Variants in TGFA observed in about 807,000 individuals in gnomAD.
TGFA encodes the protein transforming growth factor alpha, also known as protransforming growth factor alpha.
A neutral mutation model predicts 21.7 loss-of-function variants in TGFA; 12 were observed. The observed-to-expected ratio is 0.55, with a 90% CI of 0.35 to 0.90. The LOEUF (loss-of-function observed/expected upper bound fraction) is 0.90. Among genes scored for constraint, TGFA ranks in the 40% least tolerant of loss-of-function variants. TGFA has a pLI of 0.01. For missense variants in TGFA, 178 were observed against 210.8 expected, an observed-to-expected ratio of 0.84 and a Z score of 0.96; for synonymous variants, 79 against 88.1, an observed-to-expected ratio of 0.90 and a Z score of 0.58.
intron 2 of TGFA, among the ~76,000 whole-genome samples, chr2:70,497,588 T>G (rs1387171621): frequency 6.6e-6 from 1 of 152,156 alleles, no homozygotes; most frequent in Non-Finnish European, 1.5e-5. Flanking sequence ...TTGGGCACAT[T>G]GCATCCCAGC....
At chr2:70,541,920 G>A (rs1673143245) in intron 1 of TGFA, among the ~76,000 whole-genome samples, 1 of 152,114 alleles carries the variant, frequency 6.6e-6, no homozygotes, top group Admixed American at 6.5e-5. Flanking sequence ...AAATTTGCTG[G>A]CAGGGAGTGT....
In TGFA at chr2:70,456,338, C is replaced by T; in HGVS notation, c.365+1G>A. ...TGGCCTTAGGGGCAGCAAGTACTCA[C>T]TGTATCAGCACACATGTGATGATAA... On this transcript the variant is annotated splice_donor_variant, in intron 4 of 5. Coordinates refer to ENST00000295400, the MANE Select transcript of TGFA (RefSeq NM_003236.4). LOFTEE classifies it high-confidence loss of function. 2 of 1,553,100 alleles carry T rather than the reference C, an allele frequency of 1.3e-6. No homozygotes were observed. The highest frequency in any genetic ancestry group is 1.7e-6 in the Non-Finnish European group (2 of 1,147,086).
intron 2 of TGFA, among the ~76,000 whole-genome samples, chr2:70,511,227 G>A (rs1295810830): frequency 6.6e-6 from 1 of 152,156 alleles, no homozygotes; most frequent in Non-Finnish European, 1.5e-5. Context: ...CAGTGAGAAG[G>A]CCTGCAAATT....
chr2:70,530,055 C>A (rs1672770416), intron 1 of TGFA, among the ~76,000 whole-genome samples: 1 of 152,220 alleles, frequency 6.6e-6, no homozygotes, highest in Admixed American at 6.5e-5. Flanking sequence ...AGGCTATGTT[C>A]AACCTCCAAG....
intron 2 of TGFA, among the ~76,000 whole-genome samples, chr2:70,491,316 G>A (rs2103785896): frequency 6.6e-6 from 1 of 152,346 alleles, no homozygotes; most frequent in Non-Finnish European, 1.5e-5. Flanking sequence ...ACAATAAGGT[G>A]TGGGGAGGTT....
At chr2:70,496,765 G>A (rs1365748596) in intron 2 of TGFA, among the ~76,000 whole-genome samples, 6 of 152,064 alleles carry the variant, frequency 3.9e-5, no homozygotes, top group South Asian at 2.1e-4. Context: ...TCTTGTATGC[G>A]TCATGCACTG....
intron 2 of TGFA, among the ~76,000 whole-genome samples, chr2:70,465,943 G>C (rs1670546217): frequency 6.6e-6 from 1 of 152,152 alleles, no homozygotes; most frequent in Non-Finnish European, 1.5e-5. Context: ...CCAGCTTTTT[G>C]TTTTTGTAGA....
rs1487301229 is a variant in TGFA at position 70,456,584 on chromosome 2, C to A, written c.216-96G>T. 29 of 1,431,618 alleles carry A rather than the reference C, an allele frequency of 2.0e-5. No homozygotes were observed. The African/African-American group carries it at 3.7e-4, about 18-fold the overall frequency. The allele number at this position is 1,431,618 out of a possible 1,614,324, so 88.7% of individuals were successfully genotyped here. On this transcript the variant is annotated intron_variant, in intron 3 of 5. Coordinates refer to ENST00000295400, the MANE Select transcript of TGFA (RefSeq NM_003236.4). ...CTTTCCTGGAGGGACCCAGAGCCTGCAGGTAAAGCCCAAAGGGGCCCTGCC... is the reference window on the plus strand; with the variant it reads ...CTTTCCTGGAGGGACCCAGAGCCTGAAGGTAAAGCCCAAAGGGGCCCTGCC...
At chr2:70,525,892 AGTTTCTGATTTCT>A (rs1672619230) in intron 1 of TGFA, among the ~76,000 whole-genome samples, 1 of 152,188 alleles carries the variant, frequency 6.6e-6, no homozygotes. Context: ...GCGGATGCTA[AGTTTCTGATTTCT>A]GTAATGCACA....
chr2:70,545,493 C>T (rs1673274407), intron 1 of TGFA, among the ~76,000 whole-genome samples: 1 of 152,186 alleles, frequency 6.6e-6, no homozygotes, highest in South Asian at 2.1e-4. Flanking sequence ...GAATTTCAAA[C>T]CACAGGGGGA....
At chr2:70,500,725 C>G (rs551758267) in intron 2 of TGFA, among the ~76,000 whole-genome samples, 1 of 152,294 alleles carries the variant, frequency 6.6e-6, no homozygotes, top group Admixed American at 6.5e-5. Flanking sequence ...GGGGCTCTCT[C>G]TCCTAGAAGA....
intron 3 of TGFA, among the ~76,000 whole-genome samples, chr2:70,462,832 G>A (rs1418699161): frequency 6.6e-6 from 1 of 152,144 alleles, no homozygotes; most frequent in East Asian, 1.9e-4. Flanking sequence ...CCCCAAGATG[G>A]TCAGCTTTTC....
At chr2:70,478,855 G>A (rs62151570) in intron 2 of TGFA, among the ~76,000 whole-genome samples, 3,221 of 151,830 alleles carry the variant, frequency 0.021, 66 homozygotes, top group South Asian at 0.054. Flanking sequence ...CCCCTTTTGT[G>A]GTGATTTAGA....
intron 1 of TGFA, among the ~76,000 whole-genome samples, chr2:70,521,718 G>A (rs4129971): frequency 3.5e-5 from 5 of 143,706 alleles, no homozygotes; most frequent in East Asian, 4.5e-4. Flanking sequence ...GAATTCAAGC[G>A]ATTCTTCTGC....
rs1235635248 is a variant in TGFA, at chr2:70,449,250, G to A, written c.*1609C>T. 2 of 152,124 alleles carry A rather than the reference G, an allele frequency of 1.3e-5. No homozygotes were observed. The highest frequency in any genetic ancestry group is 6.5e-5 in the Admixed American group (1 of 15,270). 9.4% of individuals were successfully genotyped at this position (152,124 alleles called of 1,614,324 possible). Reference sequence around the variant, plus strand: ...CCAGACCAAGGAAGAAGAATTAGGGGAAGACAAAATTCTCTGAAAATTTCA... The same window carrying A: ...CCAGACCAAGGAAGAAGAATTAGGGAAAGACAAAATTCTCTGAAAATTTCA... On this transcript the variant is annotated 3_prime_UTR_variant, in exon 6 of 6. Transcript: ENST00000295400.
chr2:70,495,723 C>A (rs1046275332), intron 2 of TGFA, among the ~76,000 whole-genome samples: 2 of 152,058 alleles, frequency 1.3e-5, no homozygotes, highest in Non-Finnish European at 2.9e-5. Flanking sequence ...GAGGGAGATT[C>A]TTTTAAGTGT....
At chr2:70,508,008 T>C (rs1553500438) in intron 2 of TGFA, among the ~76,000 whole-genome samples, 7 of 152,276 alleles carry the variant, frequency 4.6e-5, no homozygotes. Context: ...GTACTCATTA[T>C]TGCACTTATG....
rs369927465 is a variant in TGFA at position 70,465,693 on chromosome 2, G to A, written c.138C>T (p.Asp46=). 1 of 1,614,192 alleles carries A rather than the reference G, an allele frequency of 6.2e-7. No individual in the cohort carries two copies. The highest frequency in any genetic ancestry group is 1.3e-5 in the African/African-American group (1 of 75,044). ...VAAAVVSHFN[D]CPDSHTQFCF... ...AGAACTGAGTGTGGGAATCTGGGCA[G>A]TCATTAAAATGGGACACCACTGCTG... The change falls in exon 3 of 6, where the codon GAC becomes GAT. Residue 46 remains aspartate (D), a synonymous_variant. Coordinates refer to ENST00000295400, the MANE Select transcript of TGFA (RefSeq NM_003236.4).
chr2:70,487,855 T>C (rs560820055), intron 2 of TGFA, among the ~76,000 whole-genome samples: 1 of 152,334 alleles, frequency 6.6e-6, no homozygotes, highest in South Asian at 2.1e-4. Context: ...GTAGAATTAG[T>C]GTGGCAAAGG....
Sources: allele counts gnomAD v4.1 joint callset (sites outside exome capture counted in the v4.1 genomes callset), GRCh38; gene constraint gnomAD v4.1.1; transcripts MANE v1.5; gene names NCBI Gene and HGNC (gene_info 2026-07-23, HGNC 2026-07-21).